PCDHGA8: variants seen among roughly 807,000 people sequenced by gnomAD.
PCDHGA8 encodes the protein protocadherin gamma subfamily A, 8.
Under a neutral mutation model 59.2 loss-of-function variants are expected in PCDHGA8, and 45 were observed. The observed-to-expected ratio is 0.76, with a 90% CI of 0.60 to 0.98. PCDHGA8 has a LOEUF of 0.98. PCDHGA8 is among the 50% of genes least tolerant of loss of function. The pLI, the probability that PCDHGA8 is intolerant of heterozygous loss-of-function variation, is 0.00. For missense variants in PCDHGA8, 1,257 were observed against 1,196.2 expected, an observed-to-expected ratio of 1.05 and a Z score of -0.75; for synonymous variants, 531 against 519.0, an observed-to-expected ratio of 1.02 and a Z score of -0.32.
At chr5:141,447,937 T>A (rs1036604034) in intron 1 of PCDHGA8, among the ~76,000 whole-genome samples, 1 of 151,852 alleles carries the variant, frequency 6.6e-6, no homozygotes, top group Non-Finnish European at 1.5e-5. Context: ...AATACAAAAA[T>A]TAGCTGGGCA....
At chr5:141,415,395 CGGCTCGCACTTT>C (rs2095864519) in intron 1 of PCDHGA8, 2 of 1,614,092 alleles carry the variant, frequency 1.2e-6, no homozygotes. Flanking sequence ...CAGGTGTGTC[CGGCTCGCACTTT>C]GTGGGCGTGG....
At position 141,486,538 on chromosome 5, in the gene PCDHGA8, C is replaced by A; in HGVS notation, c.2425-8269C>A. 1 of 1,614,150 alleles carries A rather than the reference C, an allele frequency of 6.2e-7. No individual in the cohort carries two copies. Among genetic ancestry groups the A allele is most frequent in the Non-Finnish European group, 8.5e-7 (1 of 1,180,038 alleles). ...ATGTGAATGATAATCCACCCTCTTTCTTTCAGAGGTCACATGAGGTGTTTG... is the reference window on the plus strand; with the variant it reads ...ATGTGAATGATAATCCACCCTCTTTATTTCAGAGGTCACATGAGGTGTTTG... On this transcript the variant is annotated intron_variant, in intron 1 of 3. Coordinates refer to ENST00000398604, the MANE Select transcript of PCDHGA8 (RefSeq NM_032088.2). This position sits in a 1 kb window ranked among gnomAD's most constrained non-coding sequence, Gnocchi z 5.0.
intron 1 of PCDHGA8, among the ~76,000 whole-genome samples, chr5:141,406,564 C>T (rs1475993893): frequency 6.6e-6 from 1 of 152,164 alleles, no homozygotes; most frequent in African/African-American, 2.4e-5. Flanking sequence ...CACTTCCAAA[C>T]CCTAGTAAAC....
At chr5:141,497,142 C>T (rs1316569011) in intron 2 of PCDHGA8, among the ~76,000 whole-genome samples, 2 of 149,678 alleles carry the variant, frequency 1.3e-5, no homozygotes, top group South Asian at 2.1e-4. Context: ...GCTGAGATCA[C>T]GAAAAAAAAA....
Position 141,394,196 on chromosome 5 carries a change from C to T in PCDHGA8, c.1383C>T (p.Ile461=). 1 of 1,613,910 alleles carries T rather than the reference C, an allele frequency of 6.2e-7. No individual in the cohort carries two copies. Among genetic ancestry groups the T allele is most frequent in the Non-Finnish European group, 8.5e-7 (1 of 1,179,862 alleles). Residue 461 remains isoleucine, a synonymous_variant, in exon 1 of 4, where the codon ATC becomes ATT. Coordinates refer to ENST00000398604, the MANE Select transcript of PCDHGA8 (RefSeq NM_032088.2). ...TFPHASYSAY[I]LENNLRGASI... is the part of the protein sequence containing the mutation. Reference sequence around the variant, plus strand: ...CTCATGCCTCCTACTCAGCGTATATCCTAGAGAACAACCTGAGAGGAGCCT... The same window carrying T: ...CTCATGCCTCCTACTCAGCGTATATTCTAGAGAACAACCTGAGAGGAGCCT...
In PCDHGA8 at chr5:141,491,409, G is replaced by T; in HGVS notation, c.2425-3398G>T. The T allele has an allele frequency of 6.8e-6, 11 of 1,614,118 alleles. No individual in the cohort carries two copies. Among genetic ancestry groups the T allele is most frequent in the Non-Finnish European group, 9.3e-6 (11 of 1,180,014 alleles). On this transcript the variant is annotated intron_variant, in intron 1 of 3. Coordinates refer to ENST00000398604, the MANE Select transcript of PCDHGA8 (RefSeq NM_032088.2). The surrounding 1 kb of genome is among the most constrained non-coding windows in gnomAD (Gnocchi z 6.9). ...AGTGCCTTCAGGGAAACGCAGACGG[G>T]GACGGGGGTGGAGGGCAGTGCTGCA...
intron 1 of PCDHGA8, chr5:141,409,208 G>A: frequency 6.2e-7 from 1 of 1,613,984 alleles, no homozygotes; most frequent in South Asian, 1.1e-5. Context: ...AGTAATCATA[G>A]AAATCCTTGA....
chr5:141,489,220 C>G lies in PCDHGA8; in HGVS notation c.2425-5587C>G. The G allele has an allele frequency of 6.6e-7, 1 of 1,508,698 alleles. No individual in the cohort carries two copies. Among genetic ancestry groups the G allele is most frequent in the South Asian group, 1.3e-5 (1 of 75,604 alleles). The allele number at this position is 1,508,698 out of a possible 1,614,324, so 93.5% of individuals were successfully genotyped here. A position where few individuals can be genotyped will look rare whatever the true frequency, so the allele number is the denominator to read the frequency against. ...AGACAGGACAGCACAGACTTACTCT[C>G]CACAAAGGGACTTCTGGGTCATGGG... On this transcript the variant is annotated intron_variant, in intron 1 of 3. Transcript: ENST00000398604. The surrounding 1 kb of genome is among the most constrained non-coding windows in gnomAD (Gnocchi z 4.5).
chr5:141,408,448 G>A, intron 1 of PCDHGA8: 4 of 1,614,054 alleles, frequency 2.5e-6, no homozygotes, highest in Non-Finnish European at 2.5e-6. Context: ...CGGAGAGCGG[G>A]GACTTACTTG....
At chr5:141,427,188 A>G (rs1346514063) in intron 1 of PCDHGA8, 1 of 456,744 alleles carries the variant, frequency 2.2e-6, no homozygotes, top group Admixed American at 2.3e-5. Flanking sequence ...AATTAAATCC[A>G]AAGACTTAAT....
chr5:141,435,760 T>C (rs1241767830), intron 1 of PCDHGA8, among the ~76,000 whole-genome samples: 1 of 152,172 alleles, frequency 6.6e-6, no homozygotes, highest in Non-Finnish European at 1.5e-5. Context: ...TTGATTTCTT[T>C]TGGTGAATTC....
Position 141,492,511 on chromosome 5 carries a change from C to T in PCDHGA8, c.2425-2296C>T, listed in dbSNP as rs58889912. Among the ~76,000 whole-genome samples the T allele has an allele frequency of 1.7e-3, 262 of 152,326 alleles. 2 individuals are homozygous for T. The highest frequency in any genetic ancestry group is 6.0e-3 in the African/African-American group (249 of 41,582). On this transcript the variant is annotated intron_variant, in intron 1 of 3. Coordinates refer to ENST00000398604, the MANE Select transcript of PCDHGA8 (RefSeq NM_032088.2). Reference sequence around the variant, plus strand: ...CCAGGCGAGGACTCCGGAGCCTCCTCTCACCTCTCCCACCTGCGCCCCGGG... The same window carrying T: ...CCAGGCGAGGACTCCGGAGCCTCCTTTCACCTCTCCCACCTGCGCCCCGGG...
intron 1 of PCDHGA8, chr5:141,419,135 G>A (rs2096331504): frequency 3.1e-6 from 5 of 1,613,910 alleles, no homozygotes; most frequent in Non-Finnish European, 4.2e-6. Flanking sequence ...CGCAGCCACA[G>A]ACAGGGGCAA....
Position 141,503,010 on chromosome 5 carries a change from AT to A in PCDHGA8, c.2484-2371del, listed in dbSNP as rs199924715. ...AGGCGTGTGCCACCATGCCCGGTTA[AT>A]TTTTTTTTTTTAATATCTATTTTAG... On this transcript the variant is annotated intron_variant, in intron 2 of 3. Coordinates refer to ENST00000398604, the MANE Select transcript of PCDHGA8 (RefSeq NM_032088.2). Among the ~76,000 whole-genome samples the A allele has an allele frequency of 6.8e-3, 997 of 146,562 alleles. 9 individuals are homozygous for A. The highest frequency in any genetic ancestry group is 0.023 in the African/African-American group (916 of 39,838).
intron 1 of PCDHGA8, among the ~76,000 whole-genome samples, chr5:141,449,007 T>A (rs937327801): frequency 3.3e-5 from 5 of 152,116 alleles, no homozygotes; most frequent in African/African-American, 1.2e-4. Context: ...CTGTTTTTTT[T>A]AACAGTTGCT....
rs992096722 is a variant in PCDHGA8, at chr5:141,413,506, A to G, written c.2424+18269A>G. 3 of 1,613,910 alleles carry G rather than the reference A, an allele frequency of 1.9e-6. No individual in the cohort carries two copies. The highest frequency in any genetic ancestry group is 2.7e-5 in the African/African-American group (2 of 74,954). On this transcript the variant is annotated intron_variant, in intron 1 of 3. Coordinates refer to ENST00000398604, the MANE Select transcript of PCDHGA8 (RefSeq NM_032088.2). ...GAGCGCGCGGTGCGTGGTGAGTTTT[A>G]ATATCCTTGTGGAAGACAGGGTGAA... is the stretch of plus-strand genomic sequence containing the variant.
At chr5:141,446,508 G>A (rs932199756) in intron 1 of PCDHGA8, among the ~76,000 whole-genome samples, 4 of 151,356 alleles carry the variant, frequency 2.6e-5, no homozygotes, top group Non-Finnish European at 5.9e-5. Flanking sequence ...ATGGAGTCTC[G>A]CTCTGTCACC....
rs1001516677 is a variant in PCDHGA8 at position 141,399,747 on chromosome 5, A to G, written c.2424+4510A>G. On this transcript the variant is annotated intron_variant, in intron 1 of 3. Coordinates refer to ENST00000398604, the MANE Select transcript of PCDHGA8 (RefSeq NM_032088.2). The stretch of plus-strand genomic sequence containing the variant: ...ACCAGGGCTCGCCTGCGCTCAGCGC[A>G]AACGTGAGCCTGCGCGTGTTGGTGG... 3.7e-6 allele frequency: 6 copies of G among 1,613,228 alleles called. No homozygotes were observed. In the African/African-American group the frequency reaches 6.7e-5, roughly 18 times the overall value.
chr5:141,454,874 C>A (rs1002727777), intron 1 of PCDHGA8, among the ~76,000 whole-genome samples: 4 of 123,066 alleles, frequency 3.3e-5, no homozygotes, highest in African/African-American at 1.2e-4. Flanking sequence ...GTGGCACGAT[C>A]TTGGCTCACT....
Sources: gnomAD v4.1 joint callset for allele counts (sites outside exome capture counted in the v4.1 genomes callset) on GRCh38, gnomAD v4.1.1 for gene constraint, Gnocchi (gnomAD v3.1) non-coding constraint, MANE v1.5 for transcripts, NCBI Gene and HGNC (gene_info 2026-07-23, HGNC 2026-07-21) for gene names.